The following ST8SIA2 variants were observed in gnomAD, a reference collection of about 807,000 sequenced individuals.
ST8SIA2 encodes the protein ST8 alpha-N-acetyl-neuraminide alpha-2,8-sialyltransferase 2, also known as alpha-2,8-sialyltransferase 8B.
In ST8SIA2, 22 loss-of-function variants were observed where a neutral mutation model predicts 37.6. That is an observed-to-expected ratio of 0.58 (90% CI 0.42 to 0.83). ST8SIA2 has a LOEUF of 0.83. Among genes scored for constraint, ST8SIA2 ranks in the 40% least tolerant of loss-of-function variants. The pLI, the probability that ST8SIA2 is intolerant of heterozygous loss-of-function variation, is 0.00. For missense variants in ST8SIA2, 382 were observed against 484.7 expected (o/e 0.79, Z 1.99); for synonymous variants, 205 against 201.2 (o/e 1.02, Z -0.16).
intron 5 of ST8SIA2, among the ~76,000 whole-genome samples, chr15:92,454,277 G>T (rs4777985): frequency 0.27 from 41,366 of 151,902 alleles, 6,739 homozygotes; most frequent in East Asian, 0.44. Context: ...CCATCTTCTT[G>T]TTCCCATGGC....
intron 1 of ST8SIA2, among the ~76,000 whole-genome samples, chr15:92,395,810 A>T: frequency 1.3e-5 from 2 of 152,294 alleles, no homozygotes; most frequent in Middle Eastern, 6.8e-3. Flanking sequence ...TGCCCATGTG[A>T]GAGGGAAGGC....
intron 1 of ST8SIA2, among the ~76,000 whole-genome samples, chr15:92,418,172 G>A (rs1035364243): frequency 6.6e-6 from 1 of 151,988 alleles, no homozygotes; most frequent in Non-Finnish European, 1.5e-5. Flanking sequence ...AGTTACTATG[G>A]GCCTGGCATG....
At position 92,421,083 on chromosome 15, in the gene ST8SIA2, G is replaced by C. The variant is rs141950955; in HGVS notation, c.99-8966G>C. The C allele has an allele frequency of 2.0e-5, 3 of 152,352 alleles. No individual in the cohort carries two copies. In the East Asian group the frequency reaches 5.8e-4, roughly 29 times the overall value. The allele number at this position is 152,352 out of a possible 1,614,324, so 9.4% of individuals were successfully genotyped here. A position where few individuals can be genotyped will look rare whatever the true frequency, so the allele number is the denominator to read the frequency against. ...TTACTAGAAGTGCTGCTTGCTGTCT[G>C]TGATGTTGAAGCTGCTGCAAGGAGC... On this transcript the variant is annotated intron_variant, in intron 1 of 5. Transcript: ENST00000268164.
chr15:92,405,147 A>T (rs1039137424), intron 1 of ST8SIA2, among the ~76,000 whole-genome samples: 1 of 152,192 alleles, frequency 6.6e-6, no homozygotes, highest in African/African-American at 2.4e-5. Context: ...ATTCAATCTT[A>T]AAAAGGAAGG....
rs116519022 is a variant in ST8SIA2, at chr15:92,441,061, G to A, written c.548+2451G>A. 2.9e-3 allele frequency among the ~76,000 whole-genome samples: 438 copies of A among 152,290 alleles called. 5 individuals carry two copies. The highest frequency in any genetic ancestry group is 9.8e-3 in the African/African-American group (408 of 41,558). On this transcript the variant is annotated intron_variant, in intron 4 of 5. Coordinates refer to ENST00000268164, the MANE Select transcript of ST8SIA2 (RefSeq NM_006011.4). ...ATGTGGCTTTACTAGAATGGCAGAC[G>A]CTGTGAAGCTCCTGATGGAGGTTTC...
rs117986487 is a variant in ST8SIA2, at chr15:92,436,261, G to A, written c.290+1886G>A. On this transcript the variant is annotated intron_variant, in intron 3 of 5. Transcript: ENST00000268164. ...TCACCATTCTCCCCACTACACCACC[G>A]TGAATGAAATCCTCCTGCCAGTATG... Among the ~76,000 whole-genome samples, 11 of 152,158 alleles carry A rather than the reference G, an allele frequency of 7.2e-5. No homozygotes were observed. In the East Asian group the frequency reaches 1.7e-3, roughly 24 times the overall value.
At position 92,444,682 on chromosome 15, in the gene ST8SIA2, A is replaced by C; in HGVS notation, c.595A>C (p.Lys199Gln). The change falls in exon 5 of 6, where the codon AAG becomes CAG. Residue 199 changes from lysine (K) to glutamine (Q), a missense_variant. Coordinates refer to ENST00000268164, the MANE Select transcript of ST8SIA2 (RefSeq NM_006011.4). ...GGAGTATGCCCGGGATGTGGGGCTC[A>C]AGACAGACCTGGTAACCATGAACCC... ...VQEYARDVGL[K>Q]TDLVTMNPSV... The C allele has an allele frequency of 6.2e-7, 1 of 1,614,258 alleles. No homozygotes were observed. The highest frequency in any genetic ancestry group is 8.5e-7 in the Non-Finnish European group (1 of 1,180,044).
intron 3 of ST8SIA2, among the ~76,000 whole-genome samples, chr15:92,437,761 G>A (rs990105866): frequency 6.6e-6 from 1 of 152,234 alleles, no homozygotes; most frequent in Non-Finnish European, 1.5e-5. Flanking sequence ...GGTAAGGAGT[G>A]AGAGGCGCCT....
chr15:92,453,145 T>C lies in ST8SIA2; in HGVS notation c.842+8216T>C, dbSNP rs17521932. Among the ~76,000 whole-genome samples, 739 of 152,256 alleles carry C rather than the reference T, an allele frequency of 4.9e-3. 19 individuals are homozygous for C. In the South Asian group the frequency reaches 0.051, roughly 11 times the overall value. ...AAGCTGGGATTCAAATCCACGTATA[T>C]AGGCATCAGTGATCTCTACTATCTC... is the stretch of plus-strand genomic sequence containing the variant. On this transcript the variant is annotated intron_variant, in intron 5 of 5. Coordinates refer to ENST00000268164, the MANE Select transcript of ST8SIA2 (RefSeq NM_006011.4).
At chr15:92,424,474 A>G (rs1437821966) in intron 1 of ST8SIA2, among the ~76,000 whole-genome samples, 3 of 152,206 alleles carry the variant, frequency 2.0e-5, no homozygotes, top group Non-Finnish European at 4.4e-5. Flanking sequence ...CTTGCTTTTC[A>G]CTAGAATAGA....
intron 1 of ST8SIA2, among the ~76,000 whole-genome samples, chr15:92,407,617 C>T (rs909447371): frequency 1.3e-5 from 2 of 152,112 alleles, no homozygotes. Flanking sequence ...GCCTGCGGTC[C>T]AGTTCCAAAC....
chr15:92,407,013 AG>A lies in ST8SIA2; in HGVS notation c.98+12852del, dbSNP rs201152587. 6.1e-3 allele frequency among the ~76,000 whole-genome samples: 906 copies of A among 149,020 alleles called. 16 individuals carry two copies. The highest frequency in any genetic ancestry group is 0.021 in the Admixed American group (309 of 14,934). ...CTGTCTCAAAAAAAAAAAAAAGAAA[AG>A]AAAAAAAAAAACACTACAAAGAAAA... On this transcript the variant is annotated intron_variant, in intron 1 of 5. Coordinates refer to ENST00000268164, the MANE Select transcript of ST8SIA2 (RefSeq NM_006011.4).
intron 1 of ST8SIA2, among the ~76,000 whole-genome samples, chr15:92,400,839 G>C (rs74422474): frequency 5.3e-5 from 8 of 152,164 alleles, no homozygotes; most frequent in African/African-American, 1.9e-4. Context: ...GACCAGGAAC[G>C]CAGGGCCAGC....
chr15:92,464,191 C>T lies in ST8SIA2; in HGVS notation c.934C>T (p.Leu312Phe), dbSNP rs2049976487. 2 of 1,611,996 alleles carry T rather than the reference C, an allele frequency of 1.2e-6. No homozygotes were observed. Among genetic ancestry groups the T allele is most frequent in the East Asian group, 4.5e-5 (2 of 44,686 alleles). The change falls in exon 6 of 6, where the codon CTC becomes TTC. Residue 312 changes from leucine (L) to phenylalanine (F), a missense_variant. Leu to Phe is a conservative substitution (Grantham distance 22). Coordinates refer to ENST00000268164, the MANE Select transcript of ST8SIA2 (RefSeq NM_006011.4). ...LATRFCKQIY[L>F]YGFWPFPLDQ... ...CACACGTTTCTGCAAACAAATCTAC[C>T]TCTACGGCTTCTGGCCCTTTCCGCT... is the stretch of plus-strand genomic sequence containing the variant.
intron 1 of ST8SIA2, among the ~76,000 whole-genome samples, chr15:92,415,510 A>C (rs1001841511): frequency 2.0e-5 from 3 of 151,994 alleles, no homozygotes; most frequent in African/African-American, 7.3e-5. Context: ...GATGACGCTC[A>C]GTGTAAGACA....
In ST8SIA2 at chr15:92,447,839, C is replaced by T. The variant is rs538369104; in HGVS notation, c.842+2910C>T. ...TATCCTAGAGGTTGGTCTCTCAGGACCATGTTTTCACTTCATCCCTGTCAG... is the reference window on the plus strand; with the variant it reads ...TATCCTAGAGGTTGGTCTCTCAGGATCATGTTTTCACTTCATCCCTGTCAG... On this transcript the variant is annotated intron_variant, in intron 5 of 5. Coordinates refer to ENST00000268164, the MANE Select transcript of ST8SIA2 (RefSeq NM_006011.4). Among the ~76,000 whole-genome samples, 46 of 152,304 alleles carry T rather than the reference C, an allele frequency of 3.0e-4. 1 individual carries two copies. In the South Asian group the frequency reaches 8.7e-3, roughly 29 times the overall value.
At chr15:92,444,614 A>T in intron 4 of ST8SIA2, 22 bp from the exon 5 acceptor site, 5 of 1,614,202 alleles carry the variant, frequency 3.1e-6, no homozygotes, top group Non-Finnish European at 4.2e-6. Context: ...CAAAAGGATC[A>T]TGTTGCCTTT....
intron 5 of ST8SIA2, among the ~76,000 whole-genome samples, chr15:92,458,622 A>G (rs963541403): frequency 2.8e-4 from 43 of 152,214 alleles, no homozygotes; most frequent in African/African-American, 9.4e-4. Context: ...TGAGGCCCTC[A>G]GCACAGAGGC....
intron 1 of ST8SIA2, among the ~76,000 whole-genome samples, chr15:92,403,552 C>T (rs2049486410): frequency 6.6e-6 from 1 of 152,160 alleles, no homozygotes; most frequent in South Asian, 2.1e-4. Context: ...GGTGTGAGCA[C>T]TTGTTATTGA....
Sources: allele counts gnomAD v4.1 joint callset (sites outside exome capture counted in the v4.1 genomes callset), GRCh38; gene constraint gnomAD v4.1.1; transcripts MANE v1.5; gene names NCBI Gene and HGNC (gene_info 2026-07-23, HGNC 2026-07-21).